The following GPR19 variants were observed in gnomAD, a reference collection of about 807,000 sequenced individuals.
GPR19 encodes probable G protein-coupled receptor 19.
GPR19 carries 14 observed loss-of-function variants against 28.5 expected under a neutral mutation model. The observed-to-expected ratio is 0.49, with a 90% CI of 0.32 to 0.77. The LOEUF (loss-of-function observed/expected upper bound fraction) is 0.77. Among genes scored for constraint, GPR19 ranks in the 30% least tolerant of loss-of-function variants. The pLI, the probability that GPR19 is intolerant of heterozygous loss-of-function variation, is 0.03. For missense variants in GPR19, 409 were observed against 504.1 expected (o/e 0.81, Z 1.81); for synonymous variants, 173 against 184.1 (o/e 0.94, Z 0.49).
intron 3 of GPR19, among the ~76,000 whole-genome samples, chr12:12,683,121 A>G (rs574873448): frequency 6.6e-6 from 1 of 152,172 alleles, no homozygotes; most frequent in African/African-American, 2.4e-5. Flanking sequence ...TAAAAAACCC[A>G]TGATATAATT....
chr12:12,661,565 G>A lies in GPR19; in HGVS notation c.884C>T (p.Ala295Val), dbSNP rs1182165654. 6.2e-7 allele frequency: 1 copy of A among 1,613,820 alleles called. No homozygotes were observed. The highest frequency in any genetic ancestry group is 8.5e-7 in the Non-Finnish European group (1 of 1,179,812). Residue 295 changes from alanine to valine, a missense_variant, in exon 4 of 4, where the codon GCT (alanine) becomes GTT (valine). Ala to Val is a moderately conservative substitution (Grantham distance 64, BLOSUM62 0). Transcript: ENST00000651487. This position sits in a 1 kb window ranked among gnomAD's most constrained non-coding sequence, Gnocchi z 4.2. ...FLLSWLPFHV[A>V]QLWHPHEQDY... The stretch of plus-strand genomic sequence containing the variant: ...TTGTTCATGGGGGTGCCATAGCTGA[G>A]CTACATGAAAAGGCAGCCAGGAGAG...
intron 2 of GPR19, among the ~76,000 whole-genome samples, chr12:12,686,419 T>C (rs1472546662): frequency 6.6e-6 from 1 of 152,252 alleles, no homozygotes; most frequent in East Asian, 1.9e-4. Context: ...AAGTTAGATA[T>C]TGAAGAAATT....
At chr12:12,716,210 C>G in the GPR19 span, among the ~76,000 whole-genome samples, 1 of 152,190 alleles carries the variant, frequency 6.6e-6, no homozygotes, top group Non-Finnish European at 1.5e-5. Flanking sequence ...ATACTAGTAT[C>G]GGACGTTAGG....
chr12:12,697,556 G>C (rs1319742584), upstream of GPR19, among the ~76,000 whole-genome samples: 1 of 152,152 alleles, frequency 6.6e-6, no homozygotes, highest in African/African-American at 2.4e-5. Context: ...AATTTTATTG[G>C]ACTCTGTTAT....
the GPR19 span, chr12:12,715,845 T>A: frequency 6.6e-6 from 1 of 152,136 alleles, no homozygotes; most frequent in African/African-American, 2.4e-5. Flanking sequence ...GTCCCGAGGG[T>A]CCCTTCCAGC....
upstream of GPR19, among the ~76,000 whole-genome samples, chr12:12,698,061 A>C (rs545177115): frequency 2.0e-5 from 3 of 152,218 alleles, no homozygotes; most frequent in Non-Finnish European, 4.4e-5. Context: ...GTATTAAACA[A>C]ACTGAATACT....
chr12:12,699,321 A>G (rs993813430), upstream of GPR19, among the ~76,000 whole-genome samples: 8 of 152,130 alleles, frequency 5.3e-5, no homozygotes, highest in African/African-American at 1.9e-4. Flanking sequence ...CAGCCTGGGC[A>G]ACAGAGCAAG....
intron 3 of GPR19, among the ~76,000 whole-genome samples, chr12:12,674,420 G>C (rs1945902745): frequency 6.6e-6 from 1 of 152,014 alleles, no homozygotes; most frequent in Admixed American, 6.5e-5. Context: ...TGCTGATGAT[G>C]GTGGCTTAGA....
the GPR19 span, among the ~76,000 whole-genome samples, chr12:12,704,679 TAA>T: frequency 6.6e-6 from 1 of 152,216 alleles, no homozygotes; most frequent in Non-Finnish European, 1.5e-5. Flanking sequence ...AAGCAGATTA[TAA>T]ATACAGTTGT....
the GPR19 span, among the ~76,000 whole-genome samples, chr12:12,712,836 A>C: frequency 1.3e-5 from 2 of 151,928 alleles, no homozygotes; most frequent in Admixed American, 6.6e-5. Flanking sequence ...CCTGGTTCCA[A>C]CCTCTAGTTT....
intron 2 of GPR19, among the ~76,000 whole-genome samples, chr12:12,691,968 G>A (rs569836889): frequency 6.6e-6 from 1 of 152,260 alleles, no homozygotes; most frequent in South Asian, 2.1e-4. Context: ...ACTTAGTTTA[G>A]GCATTTCTCC....
At position 12,694,188 on chromosome 12, in the gene GPR19, CTTTTTTTTTT is replaced by C. The variant is rs147543699; in HGVS notation, c.-180+1261_-180+1270del. ...TGTGTGGGCATGGTAGAGTACCTGT[CTTTTTTTTTT>C]TTTTTTTTTTTTTTTTTTGAGACGG... On this transcript the variant is annotated intron_variant, in intron 2 of 3. Transcript: ENST00000651487. Among the ~76,000 whole-genome samples the C allele has an allele frequency of 2.3e-4, 10 of 43,852 alleles. No homozygotes were observed. The South Asian group carries it at 4.6e-3, about 20-fold the overall frequency. The allele number at this position is 43,852 out of a possible 152,430, so 28.8% of individuals were successfully genotyped here. A position where few individuals can be genotyped will look rare whatever the true frequency, so the allele number is the denominator to read the frequency against.
chr12:12,663,714 A>G (rs938204373), intron 3 of GPR19, among the ~76,000 whole-genome samples: 1 of 152,192 alleles, frequency 6.6e-6, no homozygotes, highest in African/African-American at 2.4e-5. Context: ...CATAATAACC[A>G]TAATAATTAT....
intron 3 of GPR19, among the ~76,000 whole-genome samples, chr12:12,681,785 A>G (rs1035296391): frequency 4.6e-5 from 7 of 152,254 alleles, no homozygotes; most frequent in African/African-American, 1.4e-4. Context: ...ATGTTTGTGT[A>G]TATTATCAGG....
upstream of GPR19, among the ~76,000 whole-genome samples, chr12:12,697,176 A>AAAAAAAAAAAAAAAAAAAAC (rs1565413598): frequency 6.7e-6 from 1 of 149,932 alleles, no homozygotes; most frequent in Admixed American, 6.6e-5. Context: ...AAAAAAAAAA[A>AAAAAAAAAAAAAAAAAAAAC]AGCAGCCATG....
At chr12:12,671,161 C>G (rs1444147215) in intron 3 of GPR19, among the ~76,000 whole-genome samples, 1 of 151,700 alleles carries the variant, frequency 6.6e-6, no homozygotes, top group East Asian at 1.9e-4. Context: ...AAAAAATTAG[C>G]CGGGTGTGGC....
chr12:12,665,135 T>TTTAATTA (rs1945750791), intron 3 of GPR19, among the ~76,000 whole-genome samples: 1 of 152,004 alleles, frequency 6.6e-6, no homozygotes, highest in Non-Finnish European at 1.5e-5. Flanking sequence ...CAGAAAACTG[T>TTTAATTA]TCTAACTTTT....
the GPR19 span, chr12:12,703,284 ATGTC>A: frequency 1.6e-6 from 1 of 619,410 alleles, no homozygotes. Context: ...ACTTGCCTCT[ATGTC>A]TGTGGCATTG....
chr12:12,695,182 G>A (rs1044537801), intron 2 of GPR19, among the ~76,000 whole-genome samples: 1 of 152,144 alleles, frequency 6.6e-6, no homozygotes, highest in Non-Finnish European at 1.5e-5. Flanking sequence ...ACTCCAGATA[G>A]TATACAAAGA....
Sources: gnomAD v4.1 joint callset for allele counts (sites outside exome capture counted in the v4.1 genomes callset) on GRCh38, gnomAD v4.1.1 for gene constraint, Gnocchi (gnomAD v3.1) non-coding constraint, MANE v1.5 for transcripts, NCBI Gene and HGNC (gene_info 2026-07-23, HGNC 2026-07-21) for gene names.